Variants in CATSPERT observed in about 807,000 individuals in gnomAD.
CATSPERT encodes the protein catsper channel auxiliary subunit tau, also known as cation channel sperm-associated targeting subunit tau.
the CATSPERT span, among the ~76,000 whole-genome samples, chr2:201,605,522 C>T: frequency 1.3e-5 from 2 of 152,148 alleles, no homozygotes; most frequent in South Asian, 2.1e-4. Flanking sequence ...CCCCTTACCT[C>T]CCATCAATTA....
At chr2:201,505,969 T>C in the CATSPERT span, among the ~76,000 whole-genome samples, 1 of 152,114 alleles carries the variant, frequency 6.6e-6, no homozygotes, top group African/African-American at 2.4e-5. Flanking sequence ...AATCTACTTA[T>C]AAAAAAGCAC....
At chr2:201,529,355 T>C in the CATSPERT span, among the ~76,000 whole-genome samples, 1 of 152,088 alleles carries the variant, frequency 6.6e-6, no homozygotes, top group Non-Finnish European at 1.5e-5. Flanking sequence ...AATTATGTTA[T>C]AAAGCTATTG....
the CATSPERT span, among the ~76,000 whole-genome samples, chr2:201,490,137 G>A: frequency 6.6e-6 from 1 of 152,228 alleles, no homozygotes; most frequent in East Asian, 1.9e-4. Context: ...GATTATAGGC[G>A]TGAGCCACCG....
At chr2:201,491,281 G>T in the CATSPERT span, 1 of 1,537,868 alleles carries the variant, frequency 6.5e-7, no homozygotes, top group South Asian at 1.2e-5. Flanking sequence ...CTTGTTAAAT[G>T]ACTTTTTTGG....
At chr2:201,610,787 A>G in the CATSPERT span, among the ~76,000 whole-genome samples, 1 of 152,208 alleles carries the variant, frequency 6.6e-6, no homozygotes, top group African/African-American at 2.4e-5. Flanking sequence ...ATCATATGGG[A>G]TTTATCCCAG....
the CATSPERT span, chr2:201,491,286 T>C: frequency 3.3e-6 from 5 of 1,537,922 alleles, no homozygotes; most frequent in Non-Finnish European, 3.5e-6. Flanking sequence ...TAAATGACTT[T>C]TTTGGTTGGG....
the CATSPERT span, among the ~76,000 whole-genome samples, chr2:201,569,121 G>A: frequency 9.2e-5 from 14 of 152,230 alleles, 1 homozygote; most frequent in East Asian, 2.5e-3. Context: ...AAGGCCATAG[G>A]TCCCTTTGGG....
chr2:201,563,040 C>T, the CATSPERT span, among the ~76,000 whole-genome samples: 1 of 151,402 alleles, frequency 6.6e-6, no homozygotes, highest in Non-Finnish European at 1.5e-5. Flanking sequence ...GCACACCTCC[C>T]AGACGGGGTG....
the CATSPERT span, among the ~76,000 whole-genome samples, chr2:201,552,159 A>G: frequency 6.6e-6 from 1 of 151,124 alleles, no homozygotes; most frequent in Non-Finnish European, 1.5e-5. Context: ...TAAGTTTTGT[A>G]TTTTTTGTGA....
the CATSPERT span, chr2:201,618,842 T>G: frequency 6.5e-7 from 1 of 1,547,282 alleles, no homozygotes. Flanking sequence ...TTCACCACCC[T>G]CCAGGTGCCC....
At chr2:201,491,384 C>T in the CATSPERT span, 2 of 1,536,788 alleles carry the variant, frequency 1.3e-6, no homozygotes, top group African/African-American at 2.7e-5. Flanking sequence ...AAGTTTTTCT[C>T]ATCTTCTACA....
At chr2:201,574,392 C>T in the CATSPERT span, 1 of 748,924 alleles carries the variant, frequency 1.3e-6, no homozygotes, top group Admixed American at 3.5e-5. Flanking sequence ...AAGTATGAAT[C>T]TCCTGACTTT....
chr2:201,615,205 C>A, the CATSPERT span, among the ~76,000 whole-genome samples: 1 of 152,148 alleles, frequency 6.6e-6, no homozygotes, highest in African/African-American at 2.4e-5. Context: ...ACCAAGCAGA[C>A]CTAATAGACA....
At chr2:201,589,370 G>A in the CATSPERT span, among the ~76,000 whole-genome samples, 43,293 of 151,440 alleles carry the variant, frequency 0.29, 6,859 homozygotes, top group East Asian at 0.52. Flanking sequence ...ACAGGGCTAC[G>A]TAACCAAAAC....
the CATSPERT span, among the ~76,000 whole-genome samples, chr2:201,509,963 A>G: frequency 6.6e-6 from 1 of 150,934 alleles, no homozygotes; most frequent in East Asian, 1.9e-4. Flanking sequence ...GCTGCATTTT[A>G]TGAAGTTTGC....
chr2:201,547,466 T>C, the CATSPERT span: 1 of 1,112,126 alleles, frequency 9.0e-7, no homozygotes, highest in East Asian at 2.6e-5. Context: ...ATAAAAAGTA[T>C]TAAAAGCTAT....
chr2:201,530,816 A>G, the CATSPERT span, among the ~76,000 whole-genome samples: 1 of 152,272 alleles, frequency 6.6e-6, no homozygotes, highest in East Asian at 1.9e-4. Flanking sequence ...TGGTTCATCC[A>G]CCTTCAGAGT....
chr2:201,598,199 G>A, the CATSPERT span, among the ~76,000 whole-genome samples: 19 of 152,106 alleles, frequency 1.2e-4, no homozygotes, highest in Admixed American at 1.2e-3. Flanking sequence ...ACTACTGGGT[G>A]CAAGCCATCC....
chr2:201,580,296 T>A, the CATSPERT span, among the ~76,000 whole-genome samples: 1 of 152,246 alleles, frequency 6.6e-6, no homozygotes, highest in Admixed American at 6.5e-5. Context: ...CATCTGTCTA[T>A]TGTAGAGTAA....
Sources: gnomAD v4.1 joint callset for allele counts (sites outside exome capture counted in the v4.1 genomes callset) on GRCh38, gnomAD v4.1.1 for gene constraint, MANE v1.5 for transcripts, NCBI Gene and HGNC (gene_info 2026-07-23, HGNC 2026-07-21) for gene names.